Variants in EFCAB6 observed in about 807,000 individuals in gnomAD.
The protein encoded by EFCAB6 is EF-hand calcium binding domain 6, also known as EF-hand calcium-binding domain-containing protein 6.
Under a neutral mutation model 169.8 loss-of-function variants are expected in EFCAB6, and 156 were observed. That is an observed-to-expected ratio of 0.92 (90% CI 0.81 to 1.05). The LOEUF (loss-of-function observed/expected upper bound fraction) is 1.05. Ranked by LOEUF, EFCAB6 falls within the 50% of genes least tolerant of loss-of-function variation. The probability of loss-of-function intolerance (pLI) is 0.00; values close to 1 mark genes in which losing one functional copy is unlikely to be tolerated. For synonymous variants in EFCAB6, 698 were observed against 676.4 expected (o/e 1.03, Z -0.50); for missense variants, 1,800 against 1,829.1 (o/e 0.98, Z 0.29).
intron 17 of EFCAB6, among the ~76,000 whole-genome samples, chr22:43,642,731 C>T (rs2055883733): frequency 6.6e-6 from 1 of 152,168 alleles, no homozygotes; most frequent in South Asian, 2.1e-4. Flanking sequence ...GTCCATGTGG[C>T]CCCAGCAAAA....
intron 13 of EFCAB6, among the ~76,000 whole-genome samples, chr22:43,675,311 AG>A (rs2057680032): frequency 1.6e-5 from 2 of 125,356 alleles, no homozygotes; most frequent in Non-Finnish European, 3.3e-5. Flanking sequence ...TATATATTAT[AG>A]TATATTATAC....
At chr22:43,624,240 G>A (rs1463102428) in intron 20 of EFCAB6, among the ~76,000 whole-genome samples, 1 of 152,194 alleles carries the variant, frequency 6.6e-6, no homozygotes, top group African/African-American at 2.4e-5. Flanking sequence ...CAGTGCTTTG[G>A]TTTGGGTCCA....
Position 43,770,145 on chromosome 22 carries a change from C to T in EFCAB6, c.351+2747G>A, listed in dbSNP as rs559682350. Among the ~76,000 whole-genome samples, 9 of 152,228 alleles carry T rather than the reference C, an allele frequency of 5.9e-5. No individual in the cohort carries two copies. The East Asian group carries it at 1.7e-3, about 29-fold the overall frequency. The stretch of plus-strand genomic sequence containing the variant: ...GTGCTGGGACTACAGGCATGAGCCA[C>T]CGTACCCAGCCAAGGTCAGCTAATT... On this transcript the variant is annotated intron_variant, in intron 4 of 31. Coordinates refer to ENST00000262726, the MANE Select transcript of EFCAB6 (RefSeq NM_022785.4).
In EFCAB6 at chr22:43,537,489, GGGATCACAGTTCTGCAAGGGT is replaced by G. The variant is rs1359319967; in HGVS notation, c.3915_3935del (p.Pro1306_Pro1312del). The G allele has an allele frequency of 6.2e-7, 1 of 1,613,970 alleles. No homozygotes were observed. Among genetic ancestry groups the G allele is most frequent in the East Asian group, 2.2e-5 (1 of 44,894 alleles). On this transcript the variant is annotated inframe_deletion, in exon 29 of 32. Coordinates refer to ENST00000262726, the MANE Select transcript of EFCAB6 (RefSeq NM_022785.4). The surrounding 1 kb of genome is among the most constrained non-coding windows in gnomAD (Gnocchi z 4.3). ...TTCTCTTCCGGAGCCTGCTCTCTATGGGATCACAGTTCTGCAAGGGTGGAGTGCCCGGGATCACGGTGGTGC... is the reference window on the plus strand; with the variant it reads ...TTCTCTTCCGGAGCCTGCTCTCTATGGGAGTGCCCGGGATCACGGTGGTGC...
At chr22:43,608,355 A>T (rs1341562104) in intron 22 of EFCAB6, 127 bp downstream of exon 22, 1 of 757,652 alleles carries the variant, frequency 1.3e-6, no homozygotes, top group African/African-American at 1.8e-5. Context: ...GATGAGACAG[A>T]TGCAACCAAG....
intron 4 of EFCAB6, among the ~76,000 whole-genome samples, chr22:43,765,660 C>T (rs924053367): frequency 4.6e-5 from 7 of 151,906 alleles, no homozygotes; most frequent in Non-Finnish European, 2.9e-5. Context: ...TATTTAAAAT[C>T]GCCTAAAAAA....
At chr22:43,796,602 A>C (rs2062517870) in intron 2 of EFCAB6, among the ~76,000 whole-genome samples, 1 of 152,146 alleles carries the variant, frequency 6.6e-6, no homozygotes, top group African/African-American at 2.4e-5. Flanking sequence ...TGTCAGAAAC[A>C]CTGACCACAA....
chr22:43,536,325 G>GT lies in EFCAB6; in HGVS notation c.4048+1051dup, dbSNP rs1441377848. 5.9e-5 allele frequency: 9 copies of GT among 152,278 alleles called. No homozygotes were observed. The East Asian group carries it at 1.7e-3, about 29-fold the overall frequency. The allele number at this position is 152,278 out of a possible 1,614,324, so 9.4% of individuals were successfully genotyped here. ...GATTTTTTATACTTAATTTACAAGTGTTTTTTAATAGGCTCTAACTTAAAG... is the reference window on the plus strand; with the variant it reads ...GATTTTTTATACTTAATTTACAAGTGTTTTTTTAATAGGCTCTAACTTAAAG... On this transcript the variant is annotated intron_variant, in intron 29 of 31. Coordinates refer to ENST00000262726, the MANE Select transcript of EFCAB6 (RefSeq NM_022785.4).
intron 2 of EFCAB6, among the ~76,000 whole-genome samples, chr22:43,804,729 A>G (rs2062848844): frequency 6.7e-6 from 1 of 149,160 alleles, no homozygotes; most frequent in Non-Finnish European, 1.5e-5. Flanking sequence ...CTGCTACTGC[A>G]CTTCAGCCTG....
rs568060119 is a variant in EFCAB6 at position 43,530,645 on chromosome 22, G to T, written c.4383+170C>A. On this transcript the variant is annotated intron_variant, in intron 31 of 31. Coordinates refer to ENST00000262726, the MANE Select transcript of EFCAB6 (RefSeq NM_022785.4). Reference sequence around the variant, plus strand: ...AGAACCCGGGGTCTGAAGGTGAGGCGAGTGGACCCAGGACTGGATAACTTG... The same window carrying T: ...AGAACCCGGGGTCTGAAGGTGAGGCTAGTGGACCCAGGACTGGATAACTTG... 4.1e-6 allele frequency: 4 copies of T among 985,322 alleles called. No homozygotes were observed. The African/African-American group carries it at 7.0e-5, about 17-fold the overall frequency. The allele number at this position is 985,322 out of a possible 1,614,324, so 61.0% of individuals were successfully genotyped here. A position where few individuals can be genotyped will look rare whatever the true frequency, so the allele number is the denominator to read the frequency against.
At chr22:43,763,185 C>T (rs569440033) in intron 5 of EFCAB6, among the ~76,000 whole-genome samples, 3 of 152,128 alleles carry the variant, frequency 2.0e-5, no homozygotes, top group South Asian at 2.1e-4. Flanking sequence ...ATTACAGGCA[C>T]GCACCACCAC....
chr22:43,638,230 T>C (rs2055559868), intron 17 of EFCAB6, among the ~76,000 whole-genome samples: 1 of 152,190 alleles, frequency 6.6e-6, no homozygotes, highest in African/African-American at 2.4e-5. Flanking sequence ...ATCAACCAGA[T>C]TTATCATGAC....
intron 10 of EFCAB6, among the ~76,000 whole-genome samples, chr22:43,689,188 T>C (rs1424087599): frequency 6.6e-6 from 1 of 150,506 alleles, no homozygotes; most frequent in Admixed American, 6.6e-5. Flanking sequence ...TGGCTAGCCA[T>C]TGAGAACAAA....
At chr22:43,789,627 G>A (rs914661337) in intron 2 of EFCAB6, among the ~76,000 whole-genome samples, 1 of 152,160 alleles carries the variant, frequency 6.6e-6, no homozygotes, top group African/African-American at 2.4e-5. Flanking sequence ...CAGCGGTCAC[G>A]ACACTGTTAC....
chr22:43,579,364 A>AGG (rs2050520696), intron 25 of EFCAB6, among the ~76,000 whole-genome samples: 1 of 151,170 alleles, frequency 6.6e-6, no homozygotes, highest in African/African-American at 2.4e-5. Context: ...CATTCCCTAC[A>AGG]CATAGGCATC....
At chr22:43,715,585 A>G (rs1005592736) in intron 9 of EFCAB6, among the ~76,000 whole-genome samples, 2 of 152,152 alleles carry the variant, frequency 1.3e-5, no homozygotes, top group Admixed American at 6.5e-5. Flanking sequence ...AATTATTTCT[A>G]TCTATGTCTC....
intron 6 of EFCAB6, among the ~76,000 whole-genome samples, chr22:43,738,440 C>T (rs1458859907): frequency 6.6e-6 from 1 of 151,442 alleles, no homozygotes; most frequent in Non-Finnish European, 1.5e-5. Context: ...TACATATGCA[C>T]ATATACTCAC....
chr22:43,679,516 T>C (rs1020113126), intron 12 of EFCAB6, among the ~76,000 whole-genome samples: 1 of 152,242 alleles, frequency 6.6e-6, no homozygotes, highest in African/African-American at 2.4e-5. Context: ...GTGGAATTGC[T>C]GGGTTCTATA....
At chr22:43,696,513 T>C (rs777082820) in intron 10 of EFCAB6, among the ~76,000 whole-genome samples, 7 of 152,200 alleles carry the variant, frequency 4.6e-5, no homozygotes, top group Non-Finnish European at 8.8e-5. Context: ...AGCAGTATCT[T>C]CTGTAATTAC....
Sources: allele counts gnomAD v4.1 joint callset (sites outside exome capture counted in the v4.1 genomes callset), GRCh38; gene constraint gnomAD v4.1.1; non-coding constraint Gnocchi (gnomAD v3.1); transcripts MANE v1.5; gene names NCBI Gene and HGNC (gene_info 2026-07-23, HGNC 2026-07-21).